The following AKAP13 variants were observed in gnomAD, a reference collection of about 807,000 sequenced individuals.
AKAP13 encodes the protein A-kinase anchor protein 13.
A neutral mutation model predicts 264.5 loss-of-function variants in AKAP13; 80 were observed. That is an observed-to-expected ratio of 0.30 (90% CI 0.25 to 0.36). The LOEUF (loss-of-function observed/expected upper bound fraction) is 0.36. Among genes scored for constraint, AKAP13 ranks in the 10% least tolerant of loss-of-function variants. The pLI, the probability that AKAP13 is intolerant of heterozygous loss-of-function variation, is 1.00. For synonymous variants in AKAP13, 1,380 were observed against 1,250.2 expected (o/e 1.10, Z -2.19); for missense variants, 3,712 against 3,435.2 (o/e 1.08, Z -2.01).
Position 85,719,172 on chromosome 15 carries a change from A to G in AKAP13, c.6098A>G (p.Gln2033Arg). Residue 2033 changes from glutamine (Q) to arginine (R), a missense_variant, in exon 23 of 37, where the codon CAG becomes CGG. Transcript: ENST00000394518. ...GMMADLLFEQ[Q>R]MVEKLFPCLD... ...ATGGCGGATCTGCTTTTTGAGCAGC[A>G]GATGGTAGAAAAGCTGTTCCCCTGT... The G allele has an allele frequency of 6.2e-7, 1 of 1,614,220 alleles. No homozygotes were observed. The highest frequency in any genetic ancestry group is 8.5e-7 in the Non-Finnish European group (1 of 1,180,034).
chr15:85,583,385 G>C (rs756424864), intron 7 of AKAP13, among the ~76,000 whole-genome samples: 2 of 152,156 alleles, frequency 1.3e-5, no homozygotes, highest in African/African-American at 4.8e-5. Flanking sequence ...TTCCTCCCCA[G>C]TTGAGGGATT....
chr15:85,444,686 C>T (rs2073839776), intron 1 of AKAP13, among the ~76,000 whole-genome samples: 1 of 152,180 alleles, frequency 6.6e-6, no homozygotes, highest in South Asian at 2.1e-4. Context: ...GACATGGCCA[C>T]AGAGGCTTTT....
chr15:85,487,138 A>G (rs1450000582), intron 2 of AKAP13, among the ~76,000 whole-genome samples: 1 of 152,222 alleles, frequency 6.6e-6, no homozygotes, highest in Non-Finnish European at 1.5e-5. Context: ...GTTACAAACT[A>G]TAATCTAACT....
chr15:85,605,596 A>C (rs1368636254), intron 8 of AKAP13, among the ~76,000 whole-genome samples: 11 of 152,200 alleles, frequency 7.2e-5, no homozygotes, highest in Non-Finnish European at 1.5e-4. Flanking sequence ...CTATGTAACA[A>C]ACCTCCCGAG....
intron 17 of AKAP13, among the ~76,000 whole-genome samples, 181 bp downstream of exon 17, chr15:85,693,632 AT>A (rs1384503484): frequency 1.3e-5 from 2 of 152,150 alleles, no homozygotes; most frequent in East Asian, 3.9e-4. Context: ...TACAGCCTAT[AT>A]TTTTTTCAGA....
At chr15:85,652,475 T>C (rs1240550929) in intron 10 of AKAP13, among the ~76,000 whole-genome samples, 1 of 152,240 alleles carries the variant, frequency 6.6e-6, no homozygotes, top group Non-Finnish European at 1.5e-5. Context: ...GAAGTCTTTT[T>C]TGTGTGTTTT....
rs1427036441 is a variant in AKAP13 at position 85,740,630 on chromosome 15, TTC to T, written c.7608+360_7608+361del. 5 of 329,786 alleles carry T rather than the reference TTC, an allele frequency of 1.5e-5. No homozygotes were observed. The Admixed American group carries it at 2.2e-4, about 15-fold the overall frequency. 20.4% of individuals were successfully genotyped at this position (329,786 alleles called of 1,614,324 possible). A position where few individuals can be genotyped will look rare whatever the true frequency, so the allele number is the denominator to read the frequency against. On this transcript the variant is annotated intron_variant, in intron 34 of 36. Transcript: ENST00000394518. Reference sequence around the variant, plus strand: ...AATAGAGTGGCCTTCCTAATACAGCTTCTGTTTCGGACTTCCCAGGAACATCC... The same window carrying T: ...AATAGAGTGGCCTTCCTAATACAGCTTGTTTCGGACTTCCCAGGAACATCC...
chr15:85,719,690 C>G (rs924790171), intron 23 of AKAP13, among the ~76,000 whole-genome samples: 2 of 151,982 alleles, frequency 1.3e-5, no homozygotes, highest in African/African-American at 4.8e-5. Context: ...AATCCCAGCA[C>G]TTTGGGAGAT....
At chr15:85,738,317 A>T (rs555013369) in intron 33 of AKAP13, among the ~76,000 whole-genome samples, 13 of 151,374 alleles carry the variant, frequency 8.6e-5, no homozygotes, top group African/African-American at 2.9e-4. Flanking sequence ...GCTTGAACCC[A>T]GGAGGTGGAG....
chr15:85,490,382 G>T lies in AKAP13; in HGVS notation c.33+4629G>T, dbSNP rs372038359. Among the ~76,000 whole-genome samples the T allele has an allele frequency of 2.1e-4, 32 of 152,302 alleles. No individual in the cohort carries two copies. In the East Asian group the frequency reaches 5.6e-3, roughly 27 times the overall value. The stretch of plus-strand genomic sequence containing the variant: ...ACACATGTTAAATAAAGTCACATGG[G>T]TATCCTGTTCATAGGTGGAGGTGTG... On this transcript the variant is annotated intron_variant, in intron 2 of 36. Coordinates refer to ENST00000394518, the MANE Select transcript of AKAP13 (RefSeq NM_007200.5).
At position 85,562,691 on chromosome 15, in the gene AKAP13, C is replaced by CTTTTTT. The variant is rs10598092; in HGVS notation, c.663-12424_663-12419dup. On this transcript the variant is annotated intron_variant, in intron 5 of 36. Coordinates refer to ENST00000394518, the MANE Select transcript of AKAP13 (RefSeq NM_007200.5). ...CCTTTTCTTTCTTTTCTTTTCTTTT[C>CTTTTTT]TTTTTTTTTTTTTTTTTTTTTGAGA... 1.9e-4 allele frequency among the ~76,000 whole-genome samples: 19 copies of CTTTTTT among 100,516 alleles called. 1 individual carries two copies. The highest frequency in any genetic ancestry group is 5.3e-4 in the African/African-American group (13 of 24,368). The allele number at this position is 100,516 out of a possible 152,430, so 65.9% of individuals were successfully genotyped here. A position where few individuals can be genotyped will look rare whatever the true frequency, so the allele number is the denominator to read the frequency against.
chr15:85,452,223 T>G (rs1314847716), intron 1 of AKAP13, among the ~76,000 whole-genome samples: 10 of 151,910 alleles, frequency 6.6e-5, no homozygotes, highest in African/African-American at 1.7e-4. Context: ...CTTAGGGTTT[T>G]TTTTTTTTTT....
chr15:85,415,525 G>A lies in AKAP13; in HGVS notation c.-12+34727G>A. 4 of 1,503,344 alleles carry A rather than the reference G, an allele frequency of 2.7e-6. No individual in the cohort carries two copies. In the South Asian group the frequency reaches 3.4e-5, roughly 13 times the overall value. The allele number at this position is 1,503,344 out of a possible 1,614,324, so 93.1% of individuals were successfully genotyped here. A position where few individuals can be genotyped will look rare whatever the true frequency, so the allele number is the denominator to read the frequency against. ...GGTGCATTGGTTCAACATCAGGAGTGGGATGGGAAGGAAAACACAATAAGA... is the reference window on the plus strand; with the variant it reads ...GGTGCATTGGTTCAACATCAGGAGTAGGATGGGAAGGAAAACACAATAAGA... On this transcript the variant is annotated intron_variant, in intron 1 of 36. Transcript: ENST00000394518.
At chr15:85,490,974 A>C (rs532178752) in intron 2 of AKAP13, among the ~76,000 whole-genome samples, 3 of 152,208 alleles carry the variant, frequency 2.0e-5, no homozygotes, top group Admixed American at 1.3e-4. Context: ...AGGAGCCAGC[A>C]TGTGAAGCTC....
chr15:85,631,961 T>G (rs1440113925), intron 8 of AKAP13, among the ~76,000 whole-genome samples: 1 of 152,158 alleles, frequency 6.6e-6, no homozygotes, highest in Non-Finnish European at 1.5e-5. Context: ...CGTTCAGACA[T>G]ATCCACCCAA....
chr15:85,634,993 T>A lies in AKAP13; in HGVS notation c.4162-4381T>A, dbSNP rs529562109. ...ACCATTTGATGGCAATCTGGACTGTTTCTAGTTTGGAGCTCTCATGAATTA... is the reference window on the plus strand; with the variant it reads ...ACCATTTGATGGCAATCTGGACTGTATCTAGTTTGGAGCTCTCATGAATTA... On this transcript the variant is annotated intron_variant, in intron 8 of 36. Coordinates refer to ENST00000394518, the MANE Select transcript of AKAP13 (RefSeq NM_007200.5). 1.1e-3 allele frequency: 430 copies of A among 397,472 alleles called. 2 individuals carry two copies. The highest frequency in any genetic ancestry group is 8.2e-3 in the African/African-American group (399 of 48,724). 24.6% of individuals were successfully genotyped at this position (397,472 alleles called of 1,614,324 possible). A position where few individuals can be genotyped will look rare whatever the true frequency, so the allele number is the denominator to read the frequency against.
chr15:85,529,828 A>G (rs2077192213), intron 3 of AKAP13, among the ~76,000 whole-genome samples: 1 of 152,186 alleles, frequency 6.6e-6, no homozygotes, highest in East Asian at 1.9e-4. Context: ...TGAGTTCCCC[A>G]CTCATCTTTT....
intron 30 of AKAP13, among the ~76,000 whole-genome samples, chr15:85,732,073 A>C (rs2088084784): frequency 7.8e-6 from 1 of 127,724 alleles, no homozygotes; most frequent in Non-Finnish European, 1.7e-5. Flanking sequence ...ACAGAGCGAG[A>C]CTATCTCAAA....
chr15:85,590,549 C>T (rs1483209159), intron 8 of AKAP13, among the ~76,000 whole-genome samples: 4 of 152,128 alleles, frequency 2.6e-5, no homozygotes, highest in African/African-American at 7.2e-5. Flanking sequence ...TATCTGCATT[C>T]GTTTACTTAT....
Sources: gnomAD v4.1 joint callset for allele counts (sites outside exome capture counted in the v4.1 genomes callset) on GRCh38, gnomAD v4.1.1 for gene constraint, MANE v1.5 for transcripts, NCBI Gene and HGNC (gene_info 2026-07-23, HGNC 2026-07-21) for gene names.